GRIA1: variants seen among roughly 807,000 people sequenced by gnomAD.
GRIA1 encodes glutamate ionotropic receptor AMPA type subunit 1.
A neutral mutation model predicts 99.2 loss-of-function variants in GRIA1; 31 were observed. The ratio of observed to expected loss-of-function variants is 0.31; its 90% CI spans 0.23 to 0.42. GRIA1 has a LOEUF of 0.42. GRIA1 is among the 10% of genes least tolerant of loss of function. GRIA1 has a pLI of 1.00. For missense variants in GRIA1, 782 were observed against 1,157.5 expected (o/e 0.68, Z 4.71); for synonymous variants, 438 against 432.4 (o/e 1.01, Z -0.16).
chr5:153,563,347 C>T (rs1320918161), intron 2 of GRIA1, among the ~76,000 whole-genome samples: 1 of 152,162 alleles, frequency 6.6e-6, no homozygotes, highest in Non-Finnish European at 1.5e-5. Context: ...GATAATGGAG[C>T]TTAGCCCTCA....
chr5:153,711,005 AG>A (rs1340337191), intron 11 of GRIA1, among the ~76,000 whole-genome samples: 1 of 152,206 alleles, frequency 6.6e-6, no homozygotes, highest in Non-Finnish European at 1.5e-5. Context: ...CCATATGCAA[AG>A]GTTCTCAGGT....
chr5:153,512,060 T>C (rs1215966400), intron 2 of GRIA1, among the ~76,000 whole-genome samples: 1 of 152,168 alleles, frequency 6.6e-6, no homozygotes, highest in Non-Finnish European at 1.5e-5. Context: ...GTGCAACATA[T>C]AACGTCAATG....
chr5:153,544,769 G>A (rs1759454401), intron 2 of GRIA1, among the ~76,000 whole-genome samples: 1 of 152,176 alleles, frequency 6.6e-6, no homozygotes, highest in African/African-American at 2.4e-5. Context: ...GACATGGAAA[G>A]GATTCAGAAA....
At chr5:153,739,964 A>G (rs1761662446) in intron 11 of GRIA1, among the ~76,000 whole-genome samples, 1 of 152,206 alleles carries the variant, frequency 6.6e-6, no homozygotes, top group Non-Finnish European at 1.5e-5. Flanking sequence ...GATTTATGAG[A>G]CGTGTTGTTG....
At chr5:153,490,393 G>A (rs1753804552), upstream of GRIA1, 1 of 174,784 alleles carries the variant, frequency 5.7e-6, no homozygotes, top group African/African-American at 2.4e-5. Flanking sequence ...AGGACCAAGT[G>A]CCACGTGTCA....
At chr5:153,763,230 T>C (rs926988967) in intron 11 of GRIA1, among the ~76,000 whole-genome samples, 4 of 152,074 alleles carry the variant, frequency 2.6e-5, no homozygotes, top group Non-Finnish European at 4.4e-5. Context: ...ATAACACATA[T>C]AAGGTCAACA....
intron 2 of GRIA1, among the ~76,000 whole-genome samples, chr5:153,600,478 A>G (rs1039701894): frequency 6.6e-6 from 1 of 151,584 alleles, no homozygotes; most frequent in African/African-American, 2.4e-5. Context: ...TCAAATCCAG[A>G]ATTTATTTAG....
At position 153,743,850 on chromosome 5, in the gene GRIA1, C is replaced by G. The variant is rs540889250; in HGVS notation, c.1824-20584C>G. Among the ~76,000 whole-genome samples, 17 of 152,300 alleles carry G rather than the reference C, an allele frequency of 1.1e-4. No individual in the cohort carries two copies. The South Asian group carries it at 3.5e-3, about 32-fold the overall frequency. ...GTCATGGGGCGATCTTAGAATTCTG[C>G]CTACTGCACATCCTATGCATAACGG... On this transcript the variant is annotated intron_variant, in intron 11 of 15. Coordinates refer to ENST00000285900, the MANE Select transcript of GRIA1 (RefSeq NM_000827.4).
chr5:153,542,049 A>T (rs970739051), intron 2 of GRIA1, among the ~76,000 whole-genome samples: 1 of 150,892 alleles, frequency 6.6e-6, no homozygotes, highest in East Asian at 2.0e-4. Context: ...CCTGATACCT[A>T]CTTCTCTTCA....
chr5:153,706,303 T>C, intron 11 of GRIA1: 2 of 536,118 alleles, frequency 3.7e-6, no homozygotes, highest in Non-Finnish European at 6.7e-6. Flanking sequence ...TCAAGGTTAA[T>C]AGGCATAATT....
chr5:153,522,051 A>G (rs1191965734), intron 2 of GRIA1, among the ~76,000 whole-genome samples: 1 of 152,242 alleles, frequency 6.6e-6, no homozygotes, highest in Non-Finnish European at 1.5e-5. Flanking sequence ...ACCTGGAGAA[A>G]GTGATCCTGT....
At position 153,592,673 on chromosome 5, in the gene GRIA1, C is replaced by T. The variant is rs1363233979; in HGVS notation, c.221-54255C>T. Among the ~76,000 whole-genome samples the T allele has an allele frequency of 2.0e-5, 3 of 152,118 alleles. No homozygotes were observed. In the East Asian group the frequency reaches 5.8e-4, roughly 29 times the overall value. ...TCACTTTAGGCTCTCTTAGCTGTTTCTTCTGATATTTTACCTTTGTATCTC... is the reference window on the plus strand; with the variant it reads ...TCACTTTAGGCTCTCTTAGCTGTTTTTTCTGATATTTTACCTTTGTATCTC... On this transcript the variant is annotated intron_variant, in intron 2 of 15. Coordinates refer to ENST00000285900, the MANE Select transcript of GRIA1 (RefSeq NM_000827.4).
At chr5:153,656,224 C>T (rs1754935900) in intron 5 of GRIA1, among the ~76,000 whole-genome samples, 1 of 151,994 alleles carries the variant, frequency 6.6e-6, no homozygotes, top group Non-Finnish European at 1.5e-5. Context: ...TTGGGTCCTC[C>T]ATTTTGACCC....
chr5:153,564,675 G>A (rs1435286483), intron 2 of GRIA1, among the ~76,000 whole-genome samples: 1 of 152,146 alleles, frequency 6.6e-6, no homozygotes, highest in African/African-American at 2.4e-5. Context: ...GATTGGCCTA[G>A]ATAAAGTCAT....
chr5:153,741,244 G>A (rs953254294), intron 11 of GRIA1, among the ~76,000 whole-genome samples: 4 of 152,046 alleles, frequency 2.6e-5, no homozygotes, highest in African/African-American at 9.7e-5. Context: ...AAAGTGCTGG[G>A]ATTACAGGCG....
intron 11 of GRIA1, among the ~76,000 whole-genome samples, chr5:153,718,415 C>T (rs527960524): frequency 2.0e-5 from 3 of 151,918 alleles, no homozygotes; most frequent in Non-Finnish European, 4.4e-5. Flanking sequence ...GTCGGCGGGG[C>T]GAGTCAAGCA....
chr5:153,775,601 T>G (rs538312876), intron 13 of GRIA1, among the ~76,000 whole-genome samples: 8 of 152,302 alleles, frequency 5.3e-5, no homozygotes, highest in African/African-American at 1.9e-4. Context: ...CCAAATACCT[T>G]CTCACACAAA....
At chr5:153,549,488 A>G (rs182358837) in intron 2 of GRIA1, among the ~76,000 whole-genome samples, 13 of 152,264 alleles carry the variant, frequency 8.5e-5, no homozygotes, top group Non-Finnish European at 1.5e-4. Context: ...ATCAGATTGG[A>G]GTCTGGAAGA....
At chr5:153,786,074 C>T (rs557189812) in intron 13 of GRIA1, among the ~76,000 whole-genome samples, 114 of 152,210 alleles carry the variant, frequency 7.5e-4, no homozygotes, top group Non-Finnish European at 1.3e-3. Context: ...TCATATAAGC[C>T]GTTATATTTT....
Sources: allele counts gnomAD v4.1 joint callset (sites outside exome capture counted in the v4.1 genomes callset), GRCh38; gene constraint gnomAD v4.1.1; transcripts MANE v1.5; gene names NCBI Gene and HGNC (gene_info 2026-07-23, HGNC 2026-07-21).